RBFOX1: variants seen among roughly 807,000 people sequenced by gnomAD.
RBFOX1 encodes the protein RNA binding protein fox-1 homolog 1.
Under a neutral mutation model 57.7 loss-of-function variants are expected in RBFOX1, and 8 were observed. That is an observed-to-expected ratio of 0.14 (90% CI 0.08 to 0.25). The LOEUF (loss-of-function observed/expected upper bound fraction) is 0.25, where lower values mean the gene tolerates loss of function less well. Among genes scored for constraint, RBFOX1 ranks in the 10% least tolerant of loss-of-function variants. The pLI is 1.00. For missense variants in RBFOX1, 611 were observed against 548.5 expected (o/e 1.11, Z -1.14); for synonymous variants, 326 against 222.4 (o/e 1.47, Z -4.15).
chr16:6,619,889 GTGT>G lies in RBFOX1; in HGVS notation c.-63-34709_-63-34707del, dbSNP rs369422961. 1.9e-3 allele frequency among the ~76,000 whole-genome samples: 289 copies of G among 152,118 alleles called. 1 individual carries two copies. Among genetic ancestry groups the G allele is most frequent in the African/African-American group, 6.7e-3 (277 of 41,488 alleles). On this transcript the variant is annotated intron_variant, in intron 2 of 15. Coordinates refer to ENST00000550418, the MANE Select transcript of RBFOX1 (RefSeq NM_018723.4). ...TCCACCCTACAATAGGCCGCAGTTT[GTGT>G]TGTTCCCCTCTGTGTGTCCACGTGT...
chr16:6,589,186 A>G (rs2097674732), intron 2 of RBFOX1, among the ~76,000 whole-genome samples: 1 of 152,172 alleles, frequency 6.6e-6, no homozygotes, highest in Non-Finnish European at 1.5e-5. Context: ...AAAAGAAACT[A>G]TTTTTAAACT....
At chr16:5,360,683 G>T (rs1281138380) in intron 1 of RBFOX1, among the ~76,000 whole-genome samples, 4 of 152,230 alleles carry the variant, frequency 2.6e-5, no homozygotes, top group African/African-American at 9.6e-5. Flanking sequence ...AGGGCTTATT[G>T]TAAGGACGTA....
chr16:7,554,699 A>C (rs146004767), intron 5 of RBFOX1, among the ~76,000 whole-genome samples: 186 of 152,102 alleles, frequency 1.2e-3, no homozygotes, highest in African/African-American at 4.2e-3. Flanking sequence ...CCTATAACTT[A>C]ACTATTCCCA....
chr16:6,344,723 CTCTG>C lies in RBFOX1; in HGVS notation c.-64+27669_-64+27672del, dbSNP rs1256318606. Among the ~76,000 whole-genome samples, 6 of 119,950 alleles carry C rather than the reference CTCTG, an allele frequency of 5.0e-5. No homozygotes were observed. In the East Asian group the frequency reaches 1.5e-3, roughly 29 times the overall value. 78.7% of individuals were successfully genotyped at this position (119,950 alleles called of 152,430 possible). A position where few individuals can be genotyped will look rare whatever the true frequency, so the allele number is the denominator to read the frequency against. On this transcript the variant is annotated intron_variant, in intron 2 of 15. Coordinates refer to ENST00000550418, the MANE Select transcript of RBFOX1 (RefSeq NM_018723.4). ...TTTTTTTTTTTTTTTTTTGAGACTG[CTCTG>C]TCGCCAAGGCTGGAGTGCAGTGATA...
At chr16:7,385,823 G>A (rs148743583) in intron 4 of RBFOX1, among the ~76,000 whole-genome samples, 2,234 of 151,992 alleles carry the variant, frequency 0.015, 59 homozygotes, top group African/African-American at 0.051. Context: ...GTGCGACCTC[G>A]GCTCACTGCA....
intron 2 of RBFOX1, among the ~76,000 whole-genome samples, chr16:6,494,294 G>T (rs916804330): frequency 6.6e-6 from 1 of 152,108 alleles, no homozygotes; most frequent in Non-Finnish European, 1.5e-5. Context: ...GTAGGTTTCT[G>T]TATCCACCGC....
intron 2 of RBFOX1, among the ~76,000 whole-genome samples, chr16:6,633,400 C>G (rs879361582): frequency 2.6e-5 from 4 of 152,144 alleles, no homozygotes; most frequent in African/African-American, 9.7e-5. Flanking sequence ...GCCTCAGCCT[C>G]CCAAGTAGCT....
intron 3 of RBFOX1, among the ~76,000 whole-genome samples, chr16:6,822,692 A>T (rs1248296179): frequency 6.6e-6 from 1 of 152,180 alleles, no homozygotes; most frequent in East Asian, 1.9e-4. Context: ...TGTGTTTTTA[A>T]AGATCCAAGC....
At chr16:5,565,591 C>A (rs1294160146) in intron 2 of RBFOX1, among the ~76,000 whole-genome samples, 1 of 151,716 alleles carries the variant, frequency 6.6e-6, no homozygotes, top group East Asian at 1.9e-4. Context: ...TGCCACTGTA[C>A]TCCAGCCTGG....
At chr16:7,050,548 G>A (rs8055925) in intron 3 of RBFOX1, among the ~76,000 whole-genome samples, 80,452 of 151,936 alleles carry the variant, frequency 0.53, 23,355 homozygotes, top group South Asian at 0.75. Context: ...TTACAGGCAT[G>A]AGCAACCGTG....
chr16:7,051,151 A>G (rs546427089), intron 3 of RBFOX1, among the ~76,000 whole-genome samples: 21 of 152,336 alleles, frequency 1.4e-4, no homozygotes, highest in Non-Finnish European at 2.8e-4. Flanking sequence ...AAGATATAGA[A>G]TAAAGGTGAA....
At chr16:6,670,662 A>G (rs1483830214) in intron 3 of RBFOX1, among the ~76,000 whole-genome samples, 2 of 152,194 alleles carry the variant, frequency 1.3e-5, no homozygotes, top group Admixed American at 6.5e-5. Context: ...ACATGAAATA[A>G]GAATACTACC....
At position 7,266,109 on chromosome 16, in the gene RBFOX1, G is replaced by T. The variant is rs1603460812; in HGVS notation, c.27+214011G>T. ...CCTGCCTCAGCCTCCCAAGTAGCTG[G>T]GACTACAGGCGCTCGCCAATACACC... On this transcript the variant is annotated intron_variant, in intron 4 of 15. Coordinates refer to ENST00000550418, the MANE Select transcript of RBFOX1 (RefSeq NM_018723.4). 2.0e-5 allele frequency among the ~76,000 whole-genome samples: 3 copies of T among 151,808 alleles called. No homozygotes were observed. The Middle Eastern group carries it at 0.01, about 516-fold the overall frequency.
intron 2 of RBFOX1, among the ~76,000 whole-genome samples, chr16:6,524,121 C>G (rs2096546217): frequency 6.6e-6 from 1 of 152,150 alleles, no homozygotes. Context: ...TACCCATTAA[C>G]CACCCTTATT....
intron 3 of RBFOX1, among the ~76,000 whole-genome samples, chr16:6,955,685 G>GTATTTATTTATTTATTTATT (rs1437207599): frequency 9.9e-6 from 1 of 100,506 alleles, no homozygotes; most frequent in African/African-American, 3.6e-5. Flanking sequence ...ATTTAGGTAT[G>GTATTTATTTATTTATTTATT]TATGTATTTA....
At chr16:6,247,351 T>G (rs13331533) in intron 1 of RBFOX1, among the ~76,000 whole-genome samples, 6,524 of 152,232 alleles carry the variant, frequency 0.043, 462 homozygotes, top group African/African-American at 0.15. Context: ...TGTTCAGACT[T>G]TGGCAGCTGG....
At chr16:5,916,338 C>T (rs1164514506) in intron 4 of RBFOX1, among the ~76,000 whole-genome samples, 1 of 152,142 alleles carries the variant, frequency 6.6e-6, no homozygotes, top group African/African-American at 2.4e-5. Flanking sequence ...TTTTGTCTTA[C>T]TGTCTATCAG....
intron 2 of RBFOX1, among the ~76,000 whole-genome samples, chr16:6,595,076 C>T (rs565965591): frequency 2.6e-5 from 4 of 152,242 alleles, no homozygotes; most frequent in South Asian, 2.1e-4. Context: ...CATGAGCCAC[C>T]GCACCTGGCC....
chr16:6,324,169 C>G (rs553444708), intron 2 of RBFOX1, among the ~76,000 whole-genome samples: 1 of 120,804 alleles, frequency 8.3e-6, no homozygotes, highest in African/African-American at 3.2e-5. Context: ...TTCTGAGTCT[C>G]CATAGTTCAT....
Sources: gnomAD v4.1 joint callset for allele counts (sites outside exome capture counted in the v4.1 genomes callset) on GRCh38, gnomAD v4.1.1 for gene constraint, MANE v1.5 for transcripts, NCBI Gene and HGNC (gene_info 2026-07-23, HGNC 2026-07-21) for gene names.